The following SMYD3 variants were observed in gnomAD, a reference collection of about 807,000 sequenced individuals.
SMYD3 encodes histone-lysine N-methyltransferase SMYD3.
In SMYD3, 36 loss-of-function variants were observed where a neutral mutation model predicts 57.7. The ratio of observed to expected loss-of-function variants is 0.62; its 90% CI spans 0.48 to 0.82. The LOEUF (loss-of-function observed/expected upper bound fraction) is 0.82, where lower values mean the gene tolerates loss of function less well. Ranked by LOEUF, SMYD3 falls within the 40% of genes least tolerant of loss-of-function variation. The pLI, the probability that SMYD3 is intolerant of heterozygous loss-of-function variation, is 0.00. For missense variants in SMYD3, 515 were observed against 538.8 expected (o/e 0.96, Z 0.44); for synonymous variants, 211 against 195.0 (o/e 1.08, Z -0.68).
chr1:246,424,278 A>G (rs1445591312), intron 1 of SMYD3, among the ~76,000 whole-genome samples: 1 of 152,140 alleles, frequency 6.6e-6, no homozygotes, highest in Non-Finnish European at 1.5e-5. Context: ...GATTATGATG[A>G]GTTAGAGATA....
chr1:246,259,011 A>G (rs1040063011), intron 5 of SMYD3, among the ~76,000 whole-genome samples: 21 of 152,220 alleles, frequency 1.4e-4, no homozygotes, highest in Admixed American at 2.0e-4. Context: ...AACCATTAAT[A>G]AAACTTTGAA....
At chr1:245,831,308 T>C (rs1322772395) in intron 10 of SMYD3, among the ~76,000 whole-genome samples, 2 of 152,196 alleles carry the variant, frequency 1.3e-5, no homozygotes, top group Admixed American at 6.5e-5. Flanking sequence ...CCATGACATA[T>C]GCATAGCAAG....
At chr1:245,956,269 C>T (rs2057837899) in intron 5 of SMYD3, among the ~76,000 whole-genome samples, 1 of 152,152 alleles carries the variant, frequency 6.6e-6, no homozygotes, top group Non-Finnish European at 1.5e-5. Context: ...ACATAGTATA[C>T]TCTCTACAAT....
At chr1:246,443,191 C>G (rs953401362) in intron 1 of SMYD3, among the ~76,000 whole-genome samples, 1 of 152,202 alleles carries the variant, frequency 6.6e-6, no homozygotes, top group Non-Finnish European at 1.5e-5. Context: ...ATCAGTAACA[C>G]TGGTTTCACC....
At chr1:245,940,424 G>C (rs994665198) in intron 5 of SMYD3, among the ~76,000 whole-genome samples, 1 of 152,174 alleles carries the variant, frequency 6.6e-6, no homozygotes, top group African/African-American at 2.4e-5. Context: ...AGCTCCCAGA[G>C]GAAGGGGCAG....
intron 10 of SMYD3, among the ~76,000 whole-genome samples, chr1:245,778,665 G>A (rs1387371690): frequency 6.6e-6 from 1 of 152,074 alleles, no homozygotes; most frequent in Non-Finnish European, 1.5e-5. Flanking sequence ...ATATATCAAG[G>A]TCAATGATGA....
At chr1:245,938,909 A>G (rs1170186667) in intron 5 of SMYD3, among the ~76,000 whole-genome samples, 1 of 152,170 alleles carries the variant, frequency 6.6e-6, no homozygotes, top group Admixed American at 6.5e-5. Flanking sequence ...TTCCTGACTC[A>G]AGAGTTCATC....
chr1:246,417,798 T>C lies in SMYD3; in HGVS notation c.165-62704A>G, dbSNP rs561087035. ...GGCCCTTATCATAATTCTAATCTTA[T>C]TGACTTTCATTAGTTTTACAAATGC... On this transcript the variant is annotated intron_variant, in intron 1 of 11. Transcript: ENST00000490107. Among the ~76,000 whole-genome samples the C allele has an allele frequency of 3.9e-5, 6 of 152,316 alleles. No individual in the cohort carries two copies. The South Asian group carries it at 6.2e-4, about 16-fold the overall frequency.
Position 245,927,948 on chromosome 1 carries a change from T to C in SMYD3, c.685A>G (p.Ile229Val). 1 of 1,611,564 alleles carries C rather than the reference T, an allele frequency of 6.2e-7. No homozygotes were observed. Residue 229 changes from isoleucine to valine, a missense_variant, in exon 7 of 12, where the codon ATC becomes GTC. Physicochemically the swap from Ile to Val is conservative, Grantham distance 29. Transcript: ENST00000490107. ...TTCCTTACCTCCTCTCCCACCTCGA[T>C]GTCTCGGACTGCTCGCAGTAAGAGG... ...PHLLLRAVRDIEVGEELTICY... is the reference protein window; with the variant it reads ...PHLLLRAVRDVEVGEELTICY...
At chr1:245,930,160 G>GA in intron 5 of SMYD3, 1 of 481,420 alleles carries the variant, frequency 2.1e-6, no homozygotes, top group African/African-American at 2.4e-5. Context: ...CAACCTCCTG[G>GA]GAGAAAAAAA....
intron 5 of SMYD3, among the ~76,000 whole-genome samples, chr1:246,191,103 G>A (rs2062731429): frequency 6.6e-6 from 1 of 152,246 alleles, no homozygotes; most frequent in African/African-American, 2.4e-5. Flanking sequence ...GGTGCATTCT[G>A]TATGTCACTG....
intron 5 of SMYD3, among the ~76,000 whole-genome samples, chr1:246,027,974 G>A (rs2059605784): frequency 6.6e-6 from 1 of 152,164 alleles, no homozygotes; most frequent in Non-Finnish European, 1.5e-5. Context: ...GAGTTTGGAA[G>A]GTTGATTCCA....
At chr1:246,267,802 C>T (rs1365270093) in intron 5 of SMYD3, among the ~76,000 whole-genome samples, 1 of 152,172 alleles carries the variant, frequency 6.6e-6, no homozygotes, top group African/African-American at 2.4e-5. Context: ...TGAAAGTAGG[C>T]TTTTATCAAT....
chr1:246,409,999 T>G (rs1037432019), intron 1 of SMYD3, among the ~76,000 whole-genome samples: 9 of 152,132 alleles, frequency 5.9e-5, no homozygotes, highest in Non-Finnish European at 1.2e-4. Flanking sequence ...GTATATATGC[T>G]TGTGATTTTT....
chr1:246,061,361 T>TA (rs1572962172), intron 5 of SMYD3, among the ~76,000 whole-genome samples: 1 of 152,064 alleles, frequency 6.6e-6, no homozygotes, highest in East Asian at 1.9e-4. Flanking sequence ...AATGTGCTGA[T>TA]AGAGTTTCTT....
At chr1:245,781,370 C>G (rs545287826) in intron 10 of SMYD3, among the ~76,000 whole-genome samples, 1 of 152,278 alleles carries the variant, frequency 6.6e-6, no homozygotes. Context: ...AATGGCAGAG[C>G]TATTATTTGA....
At chr1:245,803,568 G>C (rs2047980647) in intron 10 of SMYD3, among the ~76,000 whole-genome samples, 1 of 152,222 alleles carries the variant, frequency 6.6e-6, no homozygotes, top group South Asian at 2.1e-4. Context: ...GAAGAAGATG[G>C]ACGACAACTC....
At chr1:245,788,554 C>T (rs1230073353) in intron 10 of SMYD3, among the ~76,000 whole-genome samples, 3 of 152,196 alleles carry the variant, frequency 2.0e-5, no homozygotes, top group African/African-American at 4.8e-5. Flanking sequence ...TCAACCCTGT[C>T]ACCTTAAAGA....
intron 5 of SMYD3, among the ~76,000 whole-genome samples, chr1:246,322,084 T>A (rs2065258534): frequency 6.6e-6 from 1 of 151,976 alleles, no homozygotes; most frequent in Admixed American, 6.6e-5. Context: ...ATCTAACAGG[T>A]GCTGGGTGGG....
Sources: allele counts gnomAD v4.1 joint callset (sites outside exome capture counted in the v4.1 genomes callset), GRCh38; gene constraint gnomAD v4.1.1; transcripts MANE v1.5; gene names NCBI Gene and HGNC (gene_info 2026-07-23, HGNC 2026-07-21).